SEMA6D: variants seen among roughly 807,000 people sequenced by gnomAD.
SEMA6D encodes semaphorin-6D.
In SEMA6D, 35 loss-of-function variants were observed where a neutral mutation model predicts 106.6. The ratio of observed to expected loss-of-function variants is 0.33; its 90% CI spans 0.25 to 0.44. SEMA6D has a LOEUF of 0.44. SEMA6D is among the 20% of genes least tolerant of loss of function. The probability of loss-of-function intolerance (pLI) is 1.00; values close to 1 mark genes in which losing one functional copy is unlikely to be tolerated. For missense variants in SEMA6D, 1,185 were observed against 1,345.9 expected (o/e 0.88, Z 1.87); for synonymous variants, 499 against 487.7 (o/e 1.02, Z -0.31).
chr15:47,697,105 A>T (rs1358474529), intron 4 of SEMA6D, among the ~76,000 whole-genome samples: 2 of 152,076 alleles, frequency 1.3e-5, no homozygotes, highest in East Asian at 1.9e-4. Flanking sequence ...TGCTCTTCTC[A>T]ACTTCCTTCT....
At chr15:47,421,231 C>T (rs2041143137) in intron 2 of SEMA6D, among the ~76,000 whole-genome samples, 1 of 152,098 alleles carries the variant, frequency 6.6e-6, no homozygotes, top group Non-Finnish European at 1.5e-5. Context: ...TTCTCAATCT[C>T]AGGTTCTCAC....
At chr15:47,312,157 T>TC (rs1380723823) in intron 1 of SEMA6D, among the ~76,000 whole-genome samples, 41 of 149,770 alleles carry the variant, frequency 2.7e-4, no homozygotes, top group African/African-American at 9.1e-4. Context: ...TTTTTTTTTT[T>TC]TTCCCCATTA....
At chr15:47,616,167 T>C (rs1479979075) in intron 4 of SEMA6D, among the ~76,000 whole-genome samples, 2 of 151,890 alleles carry the variant, frequency 1.3e-5, no homozygotes, top group Non-Finnish European at 2.9e-5. Flanking sequence ...TTAAAATCTT[T>C]TTTTTTTTTC....
chr15:47,221,720 A>G (rs1403584111), intron 1 of SEMA6D, among the ~76,000 whole-genome samples: 1 of 152,184 alleles, frequency 6.6e-6, no homozygotes, highest in African/African-American at 2.4e-5. Context: ...CATATTACAG[A>G]TTTGTAGACA....
chr15:47,593,262 A>G (rs2076472520), intron 3 of SEMA6D, among the ~76,000 whole-genome samples: 1 of 152,002 alleles, frequency 6.6e-6, no homozygotes, highest in Non-Finnish European at 1.5e-5. Context: ...AAAATCAGCC[A>G]GCTGTGGTGG....
upstream of SEMA6D, among the ~76,000 whole-genome samples, chr15:47,715,537 C>T (rs1043891602): frequency 2.6e-5 from 4 of 152,134 alleles, no homozygotes; most frequent in African/African-American, 4.8e-5. Context: ...TACTTCCTAC[C>T]TCTCATCCCC....
At chr15:47,423,845 T>A (rs1314753495) in intron 2 of SEMA6D, among the ~76,000 whole-genome samples, 1 of 151,966 alleles carries the variant, frequency 6.6e-6, no homozygotes, top group African/African-American at 2.4e-5. Context: ...CCCACCAGAG[T>A]TTAGCATTTA....
intron 1 of SEMA6D, among the ~76,000 whole-genome samples, chr15:47,304,674 A>G (rs1278255237): frequency 1.3e-5 from 2 of 152,088 alleles, no homozygotes; most frequent in East Asian, 3.9e-4. Context: ...TATACCCATT[A>G]CTTGTAAAAC....
intron 2 of SEMA6D, among the ~76,000 whole-genome samples, chr15:47,423,662 A>G (rs982409271): frequency 2.2e-4 from 33 of 152,090 alleles, no homozygotes; most frequent in African/African-American, 7.7e-4. Context: ...TGGATATACA[A>G]TAATGTGTCT....
intron 3 of SEMA6D, chr15:47,470,576 T>G (rs1223469373): frequency 6.6e-6 from 1 of 152,072 alleles, no homozygotes; most frequent in Non-Finnish European, 1.5e-5. Flanking sequence ...CAATTATGTC[T>G]CTTCTGCATG....
intron 1 of SEMA6D, among the ~76,000 whole-genome samples, chr15:47,401,755 C>T (rs1049036022): frequency 3.9e-5 from 6 of 152,292 alleles, no homozygotes; most frequent in Admixed American, 1.3e-4. Context: ...AGTCGCTACA[C>T]GTCCTATAAA....
chr15:47,263,854 C>T (rs1422198609), intron 1 of SEMA6D, among the ~76,000 whole-genome samples: 1 of 150,178 alleles, frequency 6.7e-6, no homozygotes, highest in African/African-American at 2.5e-5. Flanking sequence ...GGTATATACC[C>T]AAAGGAATAT....
intron 2 of SEMA6D, among the ~76,000 whole-genome samples, chr15:47,463,261 G>A (rs555246190): frequency 3.9e-5 from 6 of 152,050 alleles, no homozygotes; most frequent in East Asian, 1.9e-4. Context: ...AGCCTTCAGC[G>A]GCCCTAGAAT....
intron 3 of SEMA6D, among the ~76,000 whole-genome samples, chr15:47,543,477 A>G (rs1267546748): frequency 1.3e-5 from 2 of 152,120 alleles, no homozygotes; most frequent in Non-Finnish European, 2.9e-5. Flanking sequence ...TTCAGCCATG[A>G]TTGTGAGGCC....
chr15:47,351,355 C>T (rs1390327283), intron 1 of SEMA6D, among the ~76,000 whole-genome samples: 2 of 152,098 alleles, frequency 1.3e-5, no homozygotes, highest in Non-Finnish European at 2.9e-5. Flanking sequence ...CTATAATAAG[C>T]AGTTTAGTGC....
At chr15:47,711,080 C>T (rs539115560) in intron 4 of SEMA6D, among the ~76,000 whole-genome samples, 3 of 151,810 alleles carry the variant, frequency 2.0e-5, no homozygotes, top group African/African-American at 4.8e-5. Context: ...GAGGCCGAGG[C>T]GGGCGGATCA....
intron 4 of SEMA6D, among the ~76,000 whole-genome samples, chr15:47,682,190 C>T (rs1383482150): frequency 2.7e-5 from 4 of 146,548 alleles, no homozygotes; most frequent in East Asian, 2.0e-4. Context: ...TTTTTTGATA[C>T]GGAGTGTCAC....
At chr15:47,526,779 T>C (rs1049235683) in intron 3 of SEMA6D, among the ~76,000 whole-genome samples, 1 of 152,074 alleles carries the variant, frequency 6.6e-6, no homozygotes, top group African/African-American at 2.4e-5. Flanking sequence ...CACTGTCACC[T>C]AGGCTGGAGT....
rs370329193 is a variant in SEMA6D, at chr15:47,295,100, G to A, written c.-239+110682G>A. On this transcript the variant is annotated intron_variant, in intron 1 of 19. Coordinates refer to the SEMA6D transcript ENST00000558014. ...AGGGGGCATCAGGTTTGAAGTCCCCGTTGCTCACTTTTCACTAGCTGAAAG... is the reference window on the plus strand; with the variant it reads ...AGGGGGCATCAGGTTTGAAGTCCCCATTGCTCACTTTTCACTAGCTGAAAG... Among the ~76,000 whole-genome samples the A allele has an allele frequency of 7.2e-5, 11 of 152,248 alleles. No individual in the cohort carries two copies. The South Asian group carries it at 1.9e-3, about 26-fold the overall frequency.
Sources: allele counts gnomAD v4.1 joint callset (sites outside exome capture counted in the v4.1 genomes callset), GRCh38; gene constraint gnomAD v4.1.1; transcripts MANE v1.5; gene names NCBI Gene and HGNC (gene_info 2026-07-23, HGNC 2026-07-21).